Variants in PSPH observed in about 807,000 individuals in gnomAD.
PSPH encodes the protein L-3-phosphoserine phosphatase.
Under a neutral mutation model 23.4 loss-of-function variants are expected in PSPH, and 16 were observed. The ratio of observed to expected loss-of-function variants is 0.68; its 90% CI spans 0.46 to 1.04. The LOEUF (loss-of-function observed/expected upper bound fraction) is 1.04, where lower values mean the gene tolerates loss of function less well. Among genes scored for constraint, PSPH ranks in the 50% least tolerant of loss-of-function variants. PSPH has a pLI of 0.00. For synonymous variants in PSPH, 68 were observed against 99.7 expected, an observed-to-expected ratio of 0.68 and a Z score of 1.89; for missense variants, 223 against 273.7, an observed-to-expected ratio of 0.81 and a Z score of 1.31.
intron 1 of PSPH, among the ~76,000 whole-genome samples, chr7:56,037,631 G>C (rs1286291676): frequency 6.6e-6 from 1 of 151,822 alleles, no homozygotes. Context: ...CAACTCCTGG[G>C]CTCAAGCCCA....
intron 7 of PSPH, 23 bp downstream of exon 7, chr7:56,015,000 A>G: frequency 6.3e-7 from 1 of 1,583,510 alleles, no homozygotes. Context: ...ACCTGAAAAA[A>G]AATTAGCACC....
chr7:56,020,023 C>A (rs1017558027), intron 4 of PSPH, among the ~76,000 whole-genome samples: 1 of 152,150 alleles, frequency 6.6e-6, no homozygotes, highest in Non-Finnish European at 1.5e-5. Flanking sequence ...CTGAGACCAG[C>A]CTGGTCAACA....
intron 3 of PSPH, among the ~76,000 whole-genome samples, chr7:56,022,518 C>A (rs1789607675): frequency 6.6e-6 from 1 of 151,970 alleles, no homozygotes; most frequent in African/African-American, 2.4e-5. Flanking sequence ...GGAGTGTGAG[C>A]AAAGACAAGG....
intron 1 of PSPH, among the ~76,000 whole-genome samples, chr7:56,045,650 G>A (rs1793126785): frequency 6.6e-6 from 1 of 151,932 alleles, no homozygotes. Context: ...GACTTTGGGA[G>A]GCCGAGGCAG....
At chr7:56,050,572 T>G (rs548446177) in intron 1 of PSPH, among the ~76,000 whole-genome samples, 3 of 152,132 alleles carry the variant, frequency 2.0e-5, no homozygotes, top group South Asian at 2.1e-4. Context: ...TGGCCCCTAG[T>G]TGAGTCATTC....
rs779079384 is a variant in PSPH at position 56,021,088 on chromosome 7, T to A, written c.125A>T (p.Asp42Val). The A allele has an allele frequency of 2.5e-6, 4 of 1,614,130 alleles. No individual in the cohort carries two copies. In the East Asian group the frequency reaches 6.7e-5, roughly 27 times the overall value. The part of the protein sequence containing the change: ...DELAKICGVE[D>V]AVSEMTRRAM... Reference sequence around the variant, plus strand: ...CTATCCCTACATTTCTGACACCGCGTCCTCAACGCCACAGATTTTGGCTAG... The same window carrying A: ...CTATCCCTACATTTCTGACACCGCGACCTCAACGCCACAGATTTTGGCTAG... Residue 42 changes from aspartate to valine, a missense_variant, in exon 4 of 8, where the codon GAC becomes GTC. Transcript: ENST00000275605.
intron 1 of PSPH, among the ~76,000 whole-genome samples, chr7:56,048,647 T>C (rs1793561999): frequency 6.6e-6 from 1 of 152,128 alleles, no homozygotes; most frequent in African/African-American, 2.4e-5. Flanking sequence ...ATTCCTTCCA[T>C]TTTTGAGACA....
Position 56,021,098 on chromosome 7 carries a change from C to T in PSPH, c.115G>A (p.Gly39Ser), listed in dbSNP as rs147077540. Residue 39 changes from glycine (G) to serine (S), a missense_variant, in exon 4 of 8, where the codon GGC becomes AGC. Transcript: ENST00000275605. ...ATTTCTGACACCGCGTCCTCAACGCCACAGATTTTGGCTAGCTCATCGATT... is the reference window on the plus strand; with the variant it reads ...ATTTCTGACACCGCGTCCTCAACGCTACAGATTTTGGCTAGCTCATCGATT... ...EGIDELAKIC[G>S]VEDAVSEMTR... 9.3e-4 allele frequency: 1,504 copies of T among 1,614,058 alleles called. No homozygotes were observed. The highest frequency in any genetic ancestry group is 1.2e-3 in the Non-Finnish European group (1,390 of 1,180,040).
At chr7:56,029,911 A>G (rs1790717906) in intron 3 of PSPH, among the ~76,000 whole-genome samples, 2 of 146,080 alleles carry the variant, frequency 1.4e-5, no homozygotes, top group Admixed American at 7.1e-5. Flanking sequence ...TGGGAGGCAG[A>G]GGTTGCAGTG....
chr7:56,014,314 T>C (rs1048806046), intron 7 of PSPH, among the ~76,000 whole-genome samples: 1 of 152,214 alleles, frequency 6.6e-6, no homozygotes, highest in Non-Finnish European at 1.5e-5. Context: ...TAAAAGGTGG[T>C]GCCCATCCTA....
At position 56,019,624 on chromosome 7, in the gene PSPH, G is replaced by T. The variant is rs1414304882; in HGVS notation, c.251C>A (p.Pro84His). 3.1e-6 allele frequency: 5 copies of T among 1,613,860 alleles called. No individual in the cohort carries two copies. The East Asian group carries it at 1.1e-4, about 36-fold the overall frequency. Residue 84 changes from proline to histidine, a missense_variant, in exon 5 of 8, where the codon CCC (proline) becomes CAC (histidine). Physicochemically the swap from Pro to His is moderately conservative, Grantham distance 77. Coordinates refer to ENST00000275605, the MANE Select transcript of PSPH (RefSeq NM_004577.4). ...EQVQRLIAEQ[P>H]PHLTPGIREL... ...CCTTATGCCGGGGGTCAGGTGTGGG[G>T]GTTGCTCTGCTATGAGTCTCTGCAC...
chr7:56,022,927 C>T (rs778025905), intron 3 of PSPH, among the ~76,000 whole-genome samples: 3 of 152,082 alleles, frequency 2.0e-5, no homozygotes, highest in Non-Finnish European at 4.4e-5. Flanking sequence ...GGCAGGATGG[C>T]GTGCACCTGT....
At chr7:56,013,572 A>G (rs891139573) in intron 7 of PSPH, among the ~76,000 whole-genome samples, 4 of 151,828 alleles carry the variant, frequency 2.6e-5, no homozygotes, top group African/African-American at 9.7e-5. Context: ...GAGGAATAAA[A>G]TGCTGTTGTG....
intron 7 of PSPH, among the ~76,000 whole-genome samples, chr7:56,013,192 C>CACACACACAT (rs1054564693): frequency 1.5e-5 from 2 of 137,806 alleles, no homozygotes; most frequent in East Asian, 2.4e-4. Context: ...CACACACACA[C>CACACACACAT]ATATATATAG....
chr7:56,044,023 C>G (rs1792907702), intron 1 of PSPH, among the ~76,000 whole-genome samples: 1 of 152,018 alleles, frequency 6.6e-6, no homozygotes. Flanking sequence ...ATGGCGCGAT[C>G]TTGGTGCACC....
chr7:56,019,701 G>C lies in PSPH; in HGVS notation c.174C>G (p.Phe58Leu), dbSNP rs987422240. Residue 58 changes from phenylalanine to leucine, a missense_variant, in exon 5 of 8, where the codon TTC becomes TTG. Physicochemically the swap from Phe to Leu is conservative, Grantham distance 22 (BLOSUM62 0). Coordinates refer to ENST00000275605, the MANE Select transcript of PSPH (RefSeq NM_004577.4). ...TRRAMGGAVP[F>L]KAALTERLAL... ...CTAAGCGCTCTGTGAGAGCAGCTTT[G>C]AAAGGCACTGCCCCGCCCATGGCTC... is the stretch of plus-strand genomic sequence containing the variant. The C allele has an allele frequency of 9.9e-6, 16 of 1,613,862 alleles. No homozygotes were observed. The highest frequency in any genetic ancestry group is 1.4e-5 in the Non-Finnish European group (16 of 1,179,900).
At chr7:56,037,706 A>ATTTTTTTTTTTTTT (rs71015167) in intron 1 of PSPH, among the ~76,000 whole-genome samples, 2 of 115,304 alleles carry the variant, frequency 1.7e-5, no homozygotes, top group Non-Finnish European at 3.5e-5. Flanking sequence ...AAGCTAACAA[A>ATTTTTTTTTTTTTT]TTTTTTTTTT....
intron 1 of PSPH, among the ~76,000 whole-genome samples, chr7:56,042,971 G>GA (rs1427208685): frequency 1.3e-5 from 2 of 152,212 alleles, no homozygotes; most frequent in South Asian, 2.1e-4. Context: ...TGAAATTAGA[G>GA]AAAAAATGAT....
At chr7:56,017,842 C>A (rs937132921) in intron 5 of PSPH, among the ~76,000 whole-genome samples, 1 of 151,562 alleles carries the variant, frequency 6.6e-6, no homozygotes, top group Admixed American at 6.6e-5. Context: ...CTTGTGTCAG[C>A]CTCCCGAGTA....
Sources: gnomAD v4.1 joint callset for allele counts (sites outside exome capture counted in the v4.1 genomes callset) on GRCh38, gnomAD v4.1.1 for gene constraint, MANE v1.5 for transcripts, NCBI Gene and HGNC (gene_info 2026-07-23, HGNC 2026-07-21) for gene names.